The following MED23 variants were observed in gnomAD, a reference collection of about 807,000 sequenced individuals.
MED23 encodes the protein mediator complex subunit 23, also known as mediator of RNA polymerase II transcription subunit 23.
Under a neutral mutation model 163.9 loss-of-function variants are expected in MED23, and 105 were observed. The ratio of observed to expected loss-of-function variants is 0.64; its 90% CI spans 0.55 to 0.75. The LOEUF (loss-of-function observed/expected upper bound fraction) is 0.75, where lower values mean the gene tolerates loss of function less well. MED23 is among the 30% of genes least tolerant of loss of function. The pLI is 0.00. For missense variants in MED23, 1,054 were observed against 1,649.0 expected (o/e 0.64, Z 6.25); for synonymous variants, 561 against 565.6 (o/e 0.99, Z 0.12).
intron 2 of MED23, 31 bp from the exon 3 acceptor site, chr6:131,627,514 T>C: frequency 1.2e-6 from 2 of 1,602,778 alleles, no homozygotes; most frequent in Non-Finnish European, 1.7e-6. Context: ...TTATTTGTCA[T>C]TCGTTTTAAA....
downstream of MED23, chr6:131,583,969 T>C: frequency 2.5e-6 from 4 of 1,574,188 alleles, no homozygotes; most frequent in South Asian, 2.2e-5. Context: ...CTAATCATTT[T>C]CTTAAGCATA....
Position 131,619,908 on chromosome 6 carries a change from A to G in MED23, c.598-12T>C. 1 of 1,589,444 alleles carries G rather than the reference A, an allele frequency of 6.3e-7. No individual in the cohort carries two copies. Among genetic ancestry groups the G allele is most frequent in the Non-Finnish European group, 8.6e-7 (1 of 1,158,818 alleles). On this transcript the variant is annotated splice_polypyrimidine_tract_variant and intron_variant, in intron 7 of 28. Transcript: ENST00000368068. Reference sequence around the variant, plus strand: ...AGGTTTCCAAGTAACTAAAGAGAGAAAGAAAGAGGGAAGTCAAATAAATAC... The same window carrying G: ...AGGTTTCCAAGTAACTAAAGAGAGAGAGAAAGAGGGAAGTCAAATAAATAC...
intron 30 of MED23, chr6:131,581,408 T>A: frequency 6.3e-7 from 1 of 1,598,462 alleles, no homozygotes; most frequent in Non-Finnish European, 8.5e-7. Flanking sequence ...TCTAGTGCAA[T>A]AGAATACTTT....
In MED23 at chr6:131,598,429, T is replaced by C; in HGVS notation, c.2465A>G (p.His822Arg). The change falls in exon 20 of 29, where the codon CAT becomes CGT. Residue 822 changes from histidine to arginine, a missense_variant. Transcript: ENST00000368068. The surrounding 1 kb of genome is among the most constrained non-coding windows in gnomAD (Gnocchi z 4.7). ...CAGGAAATCTGCAAATGTCCTCACA[T>C]GGGCTACCAAGGCCCTGGCTCCAAT... The part of the protein sequence containing the change: ...ERIGARALVA[H>R]VRTFADFLVY... 6.2e-7 allele frequency: 1 copy of C among 1,614,198 alleles called. No individual in the cohort carries two copies. Among genetic ancestry groups the C allele is most frequent in the Non-Finnish European group, 8.5e-7 (1 of 1,180,038 alleles).
Position 131,597,490 on chromosome 6 carries a change from A to G in MED23, c.2607+797T>C, listed in dbSNP as rs1295944983. ...GACTCCATATCAAAAAAAAAAAAAAAAAAAAAAGAAAAAAAAAATTCTGCT... is the reference window on the plus strand; with the variant it reads ...GACTCCATATCAAAAAAAAAAAAAAGAAAAAAAGAAAAAAAAAATTCTGCT... On this transcript the variant is annotated intron_variant, in intron 20 of 28. Transcript: ENST00000368068. Among the ~76,000 whole-genome samples the G allele has an allele frequency of 3.3e-5, 5 of 150,846 alleles. No individual in the cohort carries two copies. In the South Asian group the frequency reaches 6.3e-4, roughly 19 times the overall value.
At chr6:131,582,524 TATAAG>T (rs1773979205), downstream of MED23, 12 of 895,744 alleles carry the variant, frequency 1.3e-5, no homozygotes, top group Non-Finnish European at 2.0e-5. Context: ...ATATTCTAAA[TATAAG>T]ATATACGCAA....
intron 12 of MED23, 61 bp from the exon 13 acceptor site, chr6:131,606,685 G>A: frequency 1.5e-6 from 2 of 1,343,710 alleles, no homozygotes; most frequent in Non-Finnish European, 2.1e-6. Flanking sequence ...AAATAATTAT[G>A]TGTATTTTAG....
intron 23 of MED23, among the ~76,000 whole-genome samples, chr6:131,593,538 A>G (rs1005167327): frequency 6.6e-6 from 1 of 152,162 alleles, no homozygotes; most frequent in South Asian, 2.1e-4. Flanking sequence ...GTGTAGGAAA[A>G]TAAGTCATGC....
intron 11 of MED23, among the ~76,000 whole-genome samples, chr6:131,609,506 CTTTTTT>C (rs71030751): frequency 8.2e-5 from 8 of 98,016 alleles, no homozygotes; most frequent in Non-Finnish European, 1.3e-4. Flanking sequence ...GAGACTATTC[CTTTTTT>C]TTTTTTTTTT....
downstream of MED23, chr6:131,583,875 CA>C (rs1554251356): frequency 3.1e-6 from 5 of 1,614,006 alleles, no homozygotes; most frequent in Admixed American, 8.3e-5. Flanking sequence ...AGGGTAATCA[CA>C]AGCCTATTGA....
chr6:131,592,327 G>T, intron 25 of MED23, 61 bp downstream of exon 25: 1 of 1,447,126 alleles, frequency 6.9e-7, no homozygotes, highest in Non-Finnish European at 9.7e-7. Context: ...TTTTCTTTTT[G>T]CTGACATGGA....
chr6:131,580,463 A>C (rs1030716302), intron 30 of MED23, among the ~76,000 whole-genome samples: 2 of 152,222 alleles, frequency 1.3e-5, no homozygotes, highest in Non-Finnish European at 2.9e-5. Flanking sequence ...GGGAGAATAC[A>C]GGCATTGTAT....
At chr6:131,579,059 C>G (rs1032803752) in intron 30 of MED23, 4 of 1,590,180 alleles carry the variant, frequency 2.5e-6, no homozygotes, top group Non-Finnish European at 3.4e-6. Flanking sequence ...CCTACACAGA[C>G]TGATTTATAA....
At chr6:131,590,585 T>G (rs1774531364) in intron 26 of MED23, 143 bp from the exon 27 acceptor site, 1 of 542,206 alleles carries the variant, frequency 1.8e-6, no homozygotes, top group Non-Finnish European at 3.2e-6. Context: ...TATTTCTAAT[T>G]AATCTCACAT....
At chr6:131,619,328 A>G (rs1776914815) in intron 8 of MED23, among the ~76,000 whole-genome samples, 1 of 152,230 alleles carries the variant, frequency 6.6e-6, no homozygotes, top group African/African-American at 2.4e-5. Flanking sequence ...ATTTCTAGAA[A>G]TAATTAAAGA....
At chr6:131,615,753 T>C (rs779322756) in intron 10 of MED23, 154 bp downstream of exon 10, 1 of 674,722 alleles carries the variant, frequency 1.5e-6, no homozygotes, top group Non-Finnish European at 2.6e-6. Flanking sequence ...ATATAAATGA[T>C]AGGAATAATA....
At position 131,628,144 on chromosome 6, in the gene MED23, G is replaced by A. The variant is rs983096500; in HGVS notation, c.-95C>T. 2 of 1,433,188 alleles carry A rather than the reference G, an allele frequency of 1.4e-6. No individual in the cohort carries two copies. 88.8% of individuals were successfully genotyped at this position (1,433,188 alleles called of 1,614,324 possible). A position where few individuals can be genotyped will look rare whatever the true frequency, so the allele number is the denominator to read the frequency against. On this transcript the variant is annotated 5_prime_UTR_variant, in exon 1 of 29. Transcript: ENST00000368068. ...AGGGGCAGAGGGGCGGAGACCTCTGGAGGAAACCGTAGCTCCTCGGCGTCG... is the reference window on the plus strand; with the variant it reads ...AGGGGCAGAGGGGCGGAGACCTCTGAAGGAAACCGTAGCTCCTCGGCGTCG...
rs1423014762 is a variant in MED23, at chr6:131,623,350, C to T, written c.396+1G>A. On this transcript the variant is annotated splice_donor_variant, in intron 5 of 28. Coordinates refer to ENST00000368068, the MANE Select transcript of MED23 (RefSeq NM_004830.4). LOFTEE classifies it high-confidence loss of function. Reference sequence around the variant, plus strand: ...CACTTTTTATAATAAGAAAAATATACCTTGTAATCCACTCCCCCAATTATT... The same window carrying T: ...CACTTTTTATAATAAGAAAAATATATCTTGTAATCCACTCCCCCAATTATT... The T allele has an allele frequency of 6.2e-7, 1 of 1,608,964 alleles. No homozygotes were observed. The highest frequency in any genetic ancestry group is 8.5e-7 in the Non-Finnish European group (1 of 1,175,450).
intron 20 of MED23, among the ~76,000 whole-genome samples, chr6:131,597,601 T>C (rs918774921): frequency 1.1e-4 from 16 of 151,676 alleles, no homozygotes; most frequent in Non-Finnish European, 2.4e-4. Context: ...ATATTCGCAC[T>C]CTGTAAAGAA....
Sources: allele counts gnomAD v4.1 joint callset (sites outside exome capture counted in the v4.1 genomes callset), GRCh38; gene constraint gnomAD v4.1.1; non-coding constraint Gnocchi (gnomAD v3.1); transcripts MANE v1.5; gene names NCBI Gene and HGNC (gene_info 2026-07-23, HGNC 2026-07-21).